Variants in DPP9 observed in about 807,000 individuals in gnomAD.
DPP9 encodes dipeptidyl peptidase IV-related protein-2.
DPP9 carries 50 observed loss-of-function variants against 110.7 expected under a neutral mutation model. That is an observed-to-expected ratio of 0.45 (90% confidence interval 0.36 to 0.57). The LOEUF (loss-of-function observed/expected upper bound fraction) is 0.57. Ranked by LOEUF, DPP9 falls within the 20% of genes least tolerant of loss-of-function variation. The pLI, the probability that DPP9 is intolerant of heterozygous loss-of-function variation, is 0.00. For synonymous variants in DPP9, 561 were observed against 514.4 expected (o/e 1.09, Z -1.23); for missense variants, 1,022 against 1,217.9 (o/e 0.84, Z 2.39).
intron 2 of DPP9, among the ~76,000 whole-genome samples, chr19:4,721,888 G>T (rs1025682972): frequency 6.6e-6 from 1 of 152,178 alleles, no homozygotes; most frequent in African/African-American, 2.4e-5. Flanking sequence ...CAGTCCAGTG[G>T]TGAAAAGCGT....
At chr19:4,712,750 A>G (rs2092893648) in intron 4 of DPP9, among the ~76,000 whole-genome samples, 1 of 152,118 alleles carries the variant, frequency 6.6e-6, no homozygotes, top group Non-Finnish European at 1.5e-5. Flanking sequence ...CTTCCTTTTA[A>G]ATTCTTTGTT....
At chr19:4,681,462 G>A (rs369330517) in intron 20 of DPP9, among the ~76,000 whole-genome samples, 2 of 151,512 alleles carry the variant, frequency 1.3e-5, no homozygotes, top group South Asian at 4.2e-4. Context: ...GATTACAGGT[G>A]TGTGTCACCA....
Position 4,684,578 on chromosome 19 carries a change from G to A in DPP9, c.2178+85C>T. The A allele has an allele frequency of 1.3e-6, 2 of 1,519,094 alleles. No individual in the cohort carries two copies. Among genetic ancestry groups the A allele is most frequent in the Non-Finnish European group, 1.8e-6 (2 of 1,121,598 alleles). The allele number at this position is 1,519,094 out of a possible 1,614,324, so 94.1% of individuals were successfully genotyped here. ...GCCCTTCTGCGGGTGGTATTCCAGAGCCGCTCCCATGCCCTGCACCCACAC... is the reference window on the plus strand; with the variant it reads ...GCCCTTCTGCGGGTGGTATTCCAGAACCGCTCCCATGCCCTGCACCCACAC... On this transcript the variant is annotated intron_variant, in intron 18 of 21. Coordinates refer to ENST00000262960, the MANE Select transcript of DPP9 (RefSeq NM_139159.5). This position sits in a 1 kb window ranked among gnomAD's most constrained non-coding sequence, Gnocchi z 4.8.
In DPP9 at chr19:4,718,771, C is replaced by T. The variant is rs905660566; in HGVS notation, c.56+1080G>A. 6.6e-6 allele frequency among the ~76,000 whole-genome samples: 1 copy of T among 152,246 alleles called. No homozygotes were observed. Among genetic ancestry groups the T allele is most frequent in the African/African-American group, 2.4e-5 (1 of 41,466 alleles). The stretch of plus-strand genomic sequence containing the variant: ...TTTTAGAGCCCATGGCTGGGCCAAT[C>T]ATAGCCCTTCACACCGTCCCCGTCT... On this transcript the variant is annotated intron_variant, in intron 3 of 21. Transcript: ENST00000262960. The surrounding 1 kb of genome is among the most constrained non-coding windows in gnomAD (Gnocchi z 4.3).
chr19:4,721,137 A>C (rs901559946), intron 2 of DPP9, among the ~76,000 whole-genome samples: 1 of 152,200 alleles, frequency 6.6e-6, no homozygotes, highest in Non-Finnish European at 1.5e-5. Context: ...GAGGCCAGCG[A>C]TGCTGCTCAA....
At chr19:4,702,751 G>T (rs2092342636) in intron 7 of DPP9, 35 bp from the exon 8 acceptor site, 3 of 1,445,990 alleles carry the variant, frequency 2.1e-6, no homozygotes, top group South Asian at 1.2e-5. Context: ...AACAAGGGGT[G>T]AGCAGCCTGC....
At chr19:4,678,010 C>A (rs2089135929) in intron 21 of DPP9, among the ~76,000 whole-genome samples, 1 of 152,238 alleles carries the variant, frequency 6.6e-6, no homozygotes, top group African/African-American at 2.4e-5. Flanking sequence ...TGTTCCCACC[C>A]CACAGCCTAT....
In DPP9 at chr19:4,714,345, G is replaced by A. The variant is rs1004408216; in HGVS notation, c.57-8C>T. 42 of 1,486,642 alleles carry A rather than the reference G, an allele frequency of 2.8e-5. No homozygotes were observed. Among genetic ancestry groups the A allele is most frequent in the Non-Finnish European group, 3.7e-5 (41 of 1,119,712 alleles). 92.1% of individuals were successfully genotyped at this position (1,486,642 alleles called of 1,614,324 possible). Reference sequence around the variant, plus strand: ...TCGGAATTCAGCGAGAAGCTGCGGGGAGGAAGCAAAGACTATGAGAAAGGA... The same window carrying A: ...TCGGAATTCAGCGAGAAGCTGCGGGAAGGAAGCAAAGACTATGAGAAAGGA... On this transcript the variant is annotated splice_polypyrimidine_tract_variant and splice_region_variant and intron_variant, in intron 3 of 21. Transcript: ENST00000262960.
At position 4,676,732 on chromosome 19, in the gene DPP9, G is replaced by C; in HGVS notation, c.2587-76C>G. 7.9e-7 allele frequency: 1 copy of C among 1,272,194 alleles called. No individual in the cohort carries two copies. Among genetic ancestry groups the C allele is most frequent in the Non-Finnish European group, 1.1e-6 (1 of 898,506 alleles). The allele number at this position is 1,272,194 out of a possible 1,614,324, so 78.8% of individuals were successfully genotyped here. ...TGTCCTAGGCTCCTCCCTTATTCTG[G>C]CTCAGGGCATCCGGGAAGGCGCAGG... On this transcript the variant is annotated intron_variant, in intron 21 of 21. Coordinates refer to ENST00000262960, the MANE Select transcript of DPP9 (RefSeq NM_139159.5). The surrounding 1 kb of genome is among the most constrained non-coding windows in gnomAD (Gnocchi z 4.0).
Position 4,695,572 on chromosome 19 carries a change from G to T in DPP9, c.1176-17C>A. 6.9e-7 allele frequency: 1 copy of T among 1,453,590 alleles called. No homozygotes were observed. The highest frequency in any genetic ancestry group is 2.7e-5 in the East Asian group (1 of 37,542). The allele number at this position is 1,453,590 out of a possible 1,614,324, so 90.0% of individuals were successfully genotyped here. A position where few individuals can be genotyped will look rare whatever the true frequency, so the allele number is the denominator to read the frequency against. ...GCCCAGGCGCTAAGGGGGAAGATGCGGGGGAAGATGAGAGGGAAGCTGGGA... is the reference window on the plus strand; with the variant it reads ...GCCCAGGCGCTAAGGGGGAAGATGCTGGGGAAGATGAGAGGGAAGCTGGGA... On this transcript the variant is annotated splice_polypyrimidine_tract_variant and intron_variant, in intron 11 of 21. Transcript: ENST00000262960. This position sits in a 1 kb window ranked among gnomAD's most constrained non-coding sequence, Gnocchi z 4.7.
chr19:4,684,596 A>C lies in DPP9; in HGVS notation c.2178+67T>G. 6.4e-7 allele frequency: 1 copy of C among 1,574,500 alleles called. No homozygotes were observed. Among genetic ancestry groups the C allele is most frequent in the Admixed American group, 1.8e-5 (1 of 56,464 alleles). ...TTCCAGAGCCGCTCCCATGCCCTGCACCCACACGGCCCAGGGCTCCCTTCC... is the reference window on the plus strand; with the variant it reads ...TTCCAGAGCCGCTCCCATGCCCTGCCCCCACACGGCCCAGGGCTCCCTTCC... On this transcript the variant is annotated intron_variant, in intron 18 of 21. Transcript: ENST00000262960. The surrounding 1 kb of genome is among the most constrained non-coding windows in gnomAD (Gnocchi z 4.8).
chr19:4,703,189 C>T (rs1416229316), intron 7 of DPP9, among the ~76,000 whole-genome samples: 2 of 152,110 alleles, frequency 1.3e-5, no homozygotes, highest in African/African-American at 4.8e-5. Context: ...GGAGAGAACA[C>T]GCAGGAAGCA....
intron 11 of DPP9, 108 bp downstream of exon 11, chr19:4,697,443 T>G: frequency 1.1e-6 from 1 of 927,796 alleles, no homozygotes; most frequent in Non-Finnish European, 1.6e-6. Context: ...CGGGAAGACG[T>G]GAGCAGATGG....
At chr19:4,717,043 G>A (rs1277240564) in intron 3 of DPP9, among the ~76,000 whole-genome samples, 1 of 152,132 alleles carries the variant, frequency 6.6e-6, no homozygotes, top group Non-Finnish European at 1.5e-5. Context: ...TGAGTATCAC[G>A]GCTGTGGGCT....
At chr19:4,697,496 C>T (rs1327875823) in intron 11 of DPP9, 55 bp downstream of exon 11, 1 of 1,477,836 alleles carries the variant, frequency 6.8e-7, no homozygotes, top group Non-Finnish European at 9.3e-7. Flanking sequence ...CGGTGGCTGC[C>T]CAGGGCCCAG....
At chr19:4,691,700 G>A (rs1378060200) in intron 13 of DPP9, among the ~76,000 whole-genome samples, 5 of 135,748 alleles carry the variant, frequency 3.7e-5, no homozygotes, top group Non-Finnish European at 6.2e-5. Flanking sequence ...TTTTGAAGAC[G>A]GAGTCTTGCT....
At chr19:4,709,708 T>C (rs529727884) in intron 4 of DPP9, among the ~76,000 whole-genome samples, 2 of 152,232 alleles carry the variant, frequency 1.3e-5, no homozygotes, top group African/African-American at 4.8e-5. Flanking sequence ...TGGTGATGGC[T>C]GCACAACTCT....
At chr19:4,678,433 T>C (rs2089219039) in intron 21 of DPP9, among the ~76,000 whole-genome samples, 1 of 152,188 alleles carries the variant, frequency 6.6e-6, no homozygotes, top group Admixed American at 6.5e-5. Flanking sequence ...TCTGAAGACC[T>C]TGTTTGGCCC....
At chr19:4,702,779 A>G in intron 7 of DPP9, 63 bp from the exon 8 acceptor site, 5 of 874,426 alleles carry the variant, frequency 5.7e-6, no homozygotes, top group Non-Finnish European at 8.3e-6. Context: ...GGGGACAGCC[A>G]GGGGCTCAAG....
Sources: allele counts gnomAD v4.1 joint callset (sites outside exome capture counted in the v4.1 genomes callset), GRCh38; gene constraint gnomAD v4.1.1; non-coding constraint Gnocchi (gnomAD v3.1); transcripts MANE v1.5; gene names NCBI Gene and HGNC (gene_info 2026-07-23, HGNC 2026-07-21).